ZNF341: variants seen among roughly 807,000 people sequenced by gnomAD.
ZNF341 encodes zinc finger protein 341.
Under a neutral mutation model 87.7 loss-of-function variants are expected in ZNF341, and 52 were observed. The observed-to-expected ratio is 0.59, with a 90% confidence interval of 0.47 to 0.75. The LOEUF is 0.75. ZNF341 is among the 30% of genes least tolerant of loss of function. The pLI is 0.00. For synonymous variants in ZNF341, 459 were observed against 472.7 expected, an observed-to-expected ratio of 0.97 and a Z score of 0.38; for missense variants, 977 against 1,145.9, an observed-to-expected ratio of 0.85 and a Z score of 2.13.
At chr20:33,760,782 G>A (rs187559878) in intron 7 of ZNF341, among the ~76,000 whole-genome samples, 9 of 152,160 alleles carry the variant, frequency 5.9e-5, no homozygotes, top group South Asian at 2.1e-4. Flanking sequence ...GAGCTCAAGC[G>A]ATTCTTCCGT....
chr20:33,775,930 G>C (rs2019617999), intron 10 of ZNF341, among the ~76,000 whole-genome samples: 1 of 151,808 alleles, frequency 6.6e-6, no homozygotes, highest in South Asian at 2.1e-4. Flanking sequence ...GAACTCCAAG[G>C]CTCAAGCAAT....
chr20:33,786,858 C>T (rs546177393), intron 12 of ZNF341, among the ~76,000 whole-genome samples: 7 of 151,540 alleles, frequency 4.6e-5, no homozygotes, highest in Admixed American at 2.6e-4. Context: ...ATCCCAGCTA[C>T]TCAGGAGGCT....
chr20:33,789,416 AG>A (rs1266088131), intron 13 of ZNF341, 101 bp from the exon 14 acceptor site: 1 of 1,204,434 alleles, frequency 8.3e-7, no homozygotes, highest in Non-Finnish European at 1.2e-6. Context: ...CCCAGCCCTT[AG>A]GGTGGACAAG....
chr20:33,759,307 T>G (rs2019245961), intron 7 of ZNF341, among the ~76,000 whole-genome samples: 1 of 152,156 alleles, frequency 6.6e-6, no homozygotes, highest in Non-Finnish European at 1.5e-5. Context: ...TTTTTGAGAC[T>G]GAGTTTCACT....
At position 33,791,593 on chromosome 20, in the gene ZNF341, G is replaced by A. The variant is rs2020036167; in HGVS notation, c.*76G>A. ...CCAGGGCCCCTGGGGGCAGACCGGT[G>A]ATCCTTACCAGTGGAAGCGAGCCAT... On this transcript the variant is annotated 3_prime_UTR_variant, in exon 15 of 15. Transcript: ENST00000375200. The A allele has an allele frequency of 7.1e-7, 1 of 1,416,834 alleles. No homozygotes were observed. The highest frequency in any genetic ancestry group is 1.4e-5 in the African/African-American group (1 of 69,496). 87.8% of individuals were successfully genotyped at this position (1,416,834 alleles called of 1,614,324 possible).
intron 4 of ZNF341, among the ~76,000 whole-genome samples, chr20:33,750,772 C>T (rs1272332113): frequency 6.6e-6 from 1 of 152,094 alleles, no homozygotes; most frequent in Non-Finnish European, 1.5e-5. Context: ...TCCTGAGTAG[C>T]TGGTATTACA....
chr20:33,778,473 G>A (rs1393997716), intron 10 of ZNF341, among the ~76,000 whole-genome samples: 1 of 152,080 alleles, frequency 6.6e-6, no homozygotes, highest in East Asian at 1.9e-4. Context: ...ACCACACCTG[G>A]CTAATTTTTG....
intron 8 of ZNF341, among the ~76,000 whole-genome samples, chr20:33,763,329 C>G (rs1028227368): frequency 6.6e-6 from 1 of 152,140 alleles, no homozygotes; most frequent in Non-Finnish European, 1.5e-5. Flanking sequence ...GAGACAGAGT[C>G]TCACTCTGCC....
intron 1 of ZNF341, among the ~76,000 whole-genome samples, chr20:33,733,349 C>T (rs1478743080): frequency 6.6e-6 from 1 of 151,950 alleles, no homozygotes; most frequent in East Asian, 1.9e-4. Flanking sequence ...CTGCCTCAGC[C>T]TCGAGAGCAG....
rs1310298701 is a variant in ZNF341 at position 33,788,992 on chromosome 20, T to C, written c.1964+18T>C. 4 of 1,589,272 alleles carry C rather than the reference T, an allele frequency of 2.5e-6. No homozygotes were observed. The highest frequency in any genetic ancestry group is 1.1e-5 in the South Asian group (1 of 90,458). On this transcript the variant is annotated intron_variant, in intron 13 of 14. Transcript: ENST00000375200. ...CCTTTCTCGTGAGTAGAGACTGCCA[T>C]GCAGGGGGGTGGGTAGCGGGACAGA... is the stretch of plus-strand genomic sequence containing the variant.
intron 6 of ZNF341, 34 bp downstream of exon 6, chr20:33,757,377 C>T (rs561592815): frequency 4.2e-6 from 6 of 1,427,194 alleles, no homozygotes; most frequent in South Asian, 3.2e-5. Flanking sequence ...CATCTTTCCT[C>T]AACATTGGCC....
intron 12 of ZNF341, among the ~76,000 whole-genome samples, chr20:33,786,479 G>C (rs185259469): frequency 6.6e-6 from 1 of 152,286 alleles, no homozygotes; most frequent in Admixed American, 6.5e-5. Context: ...AAAAATTCTA[G>C]AGACAGATGA....
chr20:33,732,048 G>C lies in ZNF341; in HGVS notation c.27G>C (p.Leu9=), dbSNP rs1471502638. 3 of 1,311,502 alleles carry C rather than the reference G, an allele frequency of 2.3e-6. No homozygotes were observed. Among genetic ancestry groups the C allele is most frequent in the South Asian group, 2.1e-5 (1 of 46,942 alleles). The allele number at this position is 1,311,502 out of a possible 1,614,324, so 81.2% of individuals were successfully genotyped here. The change falls in exon 1 of 15, where the codon CTG becomes CTC. Residue 9 remains leucine, a synonymous_variant. Coordinates refer to ENST00000375200, the MANE Select transcript of ZNF341 (RefSeq NM_001282933.2). The surrounding 1 kb of genome is among the most constrained non-coding windows in gnomAD (Gnocchi z 4.5). The part of the protein sequence containing the change: MAQAIFEA[L]EGMDNQTVLA... ...TGGCGCAGGCGATCTTTGAGGCCCT[G>C]GAGGGTGAGCGGCGGCGGGGCCGGC...
chr20:33,753,451 G>T (rs912955671), intron 5 of ZNF341, 28 bp downstream of exon 5: 9 of 1,551,240 alleles, frequency 5.8e-6, no homozygotes, highest in Non-Finnish European at 7.8e-6. Flanking sequence ...GGTGGAAGAG[G>T]ACACTGGTCA....
At position 33,770,242 on chromosome 20, in the gene ZNF341, C is replaced by T; in HGVS notation, c.1572C>T (p.Ser524=). The T allele has an allele frequency of 6.2e-7, 1 of 1,614,130 alleles. No homozygotes were observed. Among genetic ancestry groups the T allele is most frequent in the Non-Finnish European group, 8.5e-7 (1 of 1,179,994 alleles). The change falls in exon 10 of 15, where the codon TCC becomes TCT. Residue 524 remains serine (S), a synonymous_variant. Transcript: ENST00000375200. The part of the protein sequence containing the change: ...SLYDLGVHQY[S]HSLLPQHSPK... ...ACGACCTGGGCGTGCACCAGTACTC[C>T]CACAGCCTCCTGCCACAGCACAGCC...
intron 6 of ZNF341, among the ~76,000 whole-genome samples, chr20:33,758,031 TC>T (rs1397407830): frequency 6.6e-6 from 1 of 152,186 alleles, no homozygotes; most frequent in Non-Finnish European, 1.5e-5. Context: ...CTCCTCCCCT[TC>T]CTTCCTTCCA....
Position 33,732,704 on chromosome 20 carries a change from C to G in ZNF341, c.31+652C>G, listed in dbSNP as rs2018597993. On this transcript the variant is annotated intron_variant, in intron 1 of 14. Coordinates refer to ENST00000375200, the MANE Select transcript of ZNF341 (RefSeq NM_001282933.2). The surrounding 1 kb of genome is among the most constrained non-coding windows in gnomAD (Gnocchi z 4.5). ...GTGTGCCCGGCCGGGACGCGGTGTT[C>G]CCAGACCCAGGCCAGCAAACGCTGG... is the stretch of plus-strand genomic sequence containing the variant. 6.6e-6 allele frequency among the ~76,000 whole-genome samples: 1 copy of G among 152,192 alleles called. No homozygotes were observed. Among genetic ancestry groups the G allele is most frequent in the Admixed American group, 6.5e-5 (1 of 15,284 alleles).
At position 33,748,774 on chromosome 20, in the gene ZNF341, C is replaced by G. The variant is rs1046605002; in HGVS notation, c.340-149C>G. On this transcript the variant is annotated intron_variant, in intron 3 of 14. Transcript: ENST00000375200. ...GCAGAGGTAGAAATGGAATCCACGTCTGTGGGATTCCAGAACCTGGATCTT... is the reference window on the plus strand; with the variant it reads ...GCAGAGGTAGAAATGGAATCCACGTGTGTGGGATTCCAGAACCTGGATCTT... 3 of 715,754 alleles carry G rather than the reference C, an allele frequency of 4.2e-6. No homozygotes were observed. The Admixed American group carries it at 8.6e-5, about 21-fold the overall frequency. 44.3% of individuals were successfully genotyped at this position (715,754 alleles called of 1,614,324 possible).
intron 3 of ZNF341, among the ~76,000 whole-genome samples, chr20:33,747,022 C>G (rs2018941285): frequency 6.6e-6 from 1 of 152,076 alleles, no homozygotes; most frequent in Non-Finnish European, 1.5e-5. Flanking sequence ...GAGCAGAGGA[C>G]AAGGCTGGAG....
Sources: allele counts gnomAD v4.1 joint callset (sites outside exome capture counted in the v4.1 genomes callset), GRCh38; gene constraint gnomAD v4.1.1; non-coding constraint Gnocchi (gnomAD v3.1); transcripts MANE v1.5; gene names NCBI Gene and HGNC (gene_info 2026-07-23, HGNC 2026-07-21).